CCDC192: variants seen among roughly 807,000 people sequenced by gnomAD.
The protein encoded by CCDC192 is coiled-coil domain-containing protein 192.
At chr5:127,723,880 T>A (rs1169880189) in intron 2 of CCDC192, among the ~76,000 whole-genome samples, 2 of 152,228 alleles carry the variant, frequency 1.3e-5, no homozygotes, top group East Asian at 3.9e-4. Flanking sequence ...CAGGTCTTCA[T>A]GTCAATAGCT....
intron 5 of CCDC192, chr5:127,838,546 G>T (rs1750136832): frequency 6.6e-6 from 1 of 152,168 alleles, no homozygotes; most frequent in South Asian, 2.1e-4. Flanking sequence ...CAGGATAGGT[G>T]GATGGGTTGT....
At chr5:127,896,999 T>C (rs245164) in intron 6 of CCDC192, among the ~76,000 whole-genome samples, 30,522 of 152,076 alleles carry the variant, frequency 0.2, 3,231 homozygotes, top group South Asian at 0.25. Flanking sequence ...ACCAGAAGTT[T>C]TTATAGCTTT....
intron 3 of CCDC192, among the ~76,000 whole-genome samples, chr5:127,760,099 TA>T (rs1396228501): frequency 6.6e-6 from 1 of 152,132 alleles, no homozygotes; most frequent in African/African-American, 2.4e-5. Context: ...GAAAACTTTT[TA>T]AAGTTCATGG....
intron 2 of CCDC192, among the ~76,000 whole-genome samples, chr5:127,731,895 A>AT (rs1224410103): frequency 6.6e-6 from 1 of 152,212 alleles, no homozygotes; most frequent in Non-Finnish European, 1.5e-5. Flanking sequence ...ACCCAAAACT[A>AT]TAACATCCCA....
At chr5:127,822,865 T>C (rs1318158896) in intron 5 of CCDC192, among the ~76,000 whole-genome samples, 1 of 152,200 alleles carries the variant, frequency 6.6e-6, no homozygotes, top group Non-Finnish European at 1.5e-5. Context: ...CTCAGGCCCC[T>C]GAGGCCCAGT....
At chr5:127,835,753 G>A (rs1269061185) in intron 5 of CCDC192, among the ~76,000 whole-genome samples, 1 of 152,112 alleles carries the variant, frequency 6.6e-6, no homozygotes, top group Admixed American at 6.5e-5. Flanking sequence ...GATCTTGTGA[G>A]AACTCACTCA....
chr5:127,823,417 G>A (rs923871960), intron 5 of CCDC192, among the ~76,000 whole-genome samples: 2 of 152,172 alleles, frequency 1.3e-5, no homozygotes, highest in African/African-American at 4.8e-5. Context: ...TATGCCACAT[G>A]AGTGGGTGTC....
In CCDC192 at chr5:127,733,196, T is replaced by G. The variant is rs147292118; in HGVS notation, c.115-21072T>G. Among the ~76,000 whole-genome samples the G allele has an allele frequency of 2.6e-5, 4 of 152,220 alleles. No homozygotes were observed. In the East Asian group the frequency reaches 7.7e-4, roughly 29 times the overall value. ...AGGAGTAACCAGGCTAGGAGGTATA[T>G]TCACATAAAGCCAAGAGTTTCTGGT... On this transcript the variant is annotated intron_variant, in intron 2 of 6. Coordinates refer to ENST00000514853, the MANE Select transcript of CCDC192 (RefSeq NM_001317938.2).
intron 3 of CCDC192, among the ~76,000 whole-genome samples, chr5:127,759,006 G>A (rs758601238): frequency 1.3e-5 from 2 of 152,236 alleles, no homozygotes; most frequent in Non-Finnish European, 2.9e-5. Context: ...TGGCAGCAGT[G>A]TTAGCCCAGA....
intron 2 of CCDC192, among the ~76,000 whole-genome samples, chr5:127,748,708 A>G (rs1431704818): frequency 2.1e-5 from 3 of 143,096 alleles, no homozygotes; most frequent in African/African-American, 7.5e-5. Flanking sequence ...CAGTATGGCC[A>G]TTTTCACAAT....
chr5:127,778,263 A>G (rs1234239955), intron 3 of CCDC192, among the ~76,000 whole-genome samples: 2 of 152,154 alleles, frequency 1.3e-5, no homozygotes, highest in African/African-American at 2.4e-5. Context: ...ATGTTCATAA[A>G]TGTCTTTTAT....
At chr5:127,714,090 G>T (rs541943450) in intron 2 of CCDC192, among the ~76,000 whole-genome samples, 4 of 152,082 alleles carry the variant, frequency 2.6e-5, no homozygotes, top group African/African-American at 9.7e-5. Context: ...AGATTATGCA[G>T]TATTTGTCTT....
intron 3 of CCDC192, among the ~76,000 whole-genome samples, chr5:127,791,577 G>A (rs1327165650): frequency 6.6e-6 from 1 of 152,146 alleles, no homozygotes; most frequent in Admixed American, 6.5e-5. Context: ...GGAATACAAG[G>A]AAATTCCTGT....
intron 6 of CCDC192, among the ~76,000 whole-genome samples, chr5:127,893,185 G>A (rs916498415): frequency 6.6e-6 from 1 of 152,160 alleles, no homozygotes; most frequent in Non-Finnish European, 1.5e-5. Flanking sequence ...TCTCCACCCA[G>A]CTACACTGGC....
intron 5 of CCDC192, among the ~76,000 whole-genome samples, chr5:127,842,126 C>T (rs918275235): frequency 6.6e-6 from 1 of 152,240 alleles, no homozygotes; most frequent in Non-Finnish European, 1.5e-5. Context: ...GGCATGCATT[C>T]CCTGCAGTGC....
At chr5:127,859,700 A>G (rs1372320113) in intron 5 of CCDC192, among the ~76,000 whole-genome samples, 1 of 152,160 alleles carries the variant, frequency 6.6e-6, no homozygotes, top group Non-Finnish European at 1.5e-5. Flanking sequence ...ATTAGATTTT[A>G]TCGAAGATTC....
intron 2 of CCDC192, among the ~76,000 whole-genome samples, chr5:127,737,135 G>T (rs1226561824): frequency 6.6e-6 from 1 of 151,524 alleles, no homozygotes; most frequent in East Asian, 1.9e-4. Context: ...TTGTGTCTTT[G>T]TTCTCGTTGG....
intron 3 of CCDC192, among the ~76,000 whole-genome samples, chr5:127,796,035 A>G (rs527988789): frequency 2.0e-5 from 3 of 152,256 alleles, no homozygotes; most frequent in South Asian, 4.1e-4. Flanking sequence ...GCGGCATATA[A>G]CACAATGGCT....
chr5:127,805,252 A>G (rs2126987238), intron 5 of CCDC192, among the ~76,000 whole-genome samples: 1 of 152,322 alleles, frequency 6.6e-6, no homozygotes, highest in East Asian at 1.9e-4. Flanking sequence ...TATATTTCAC[A>G]ATAATCCTAT....
Sources: gnomAD v4.1 joint callset for allele counts (sites outside exome capture counted in the v4.1 genomes callset) on GRCh38, gnomAD v4.1.1 for gene constraint, MANE v1.5 for transcripts, NCBI Gene and HGNC (gene_info 2026-07-23, HGNC 2026-07-21) for gene names.